CNTNAP2: variants seen among roughly 807,000 people sequenced by gnomAD.
CNTNAP2 encodes contactin associated protein 2, also known as contactin-associated protein-like 2.
Under a neutral mutation model 155.2 loss-of-function variants are expected in CNTNAP2, and 98 were observed. The ratio of observed to expected loss-of-function variants is 0.63; its 90% confidence interval spans 0.54 to 0.75. The LOEUF (loss-of-function observed/expected upper bound fraction) is 0.75. Among genes scored for constraint, CNTNAP2 ranks in the 30% least tolerant of loss-of-function variants. CNTNAP2 has a pLI of 0.00. For synonymous variants in CNTNAP2, 651 were observed against 631.2 expected (o/e 1.03, Z -0.47); for missense variants, 1,727 against 1,688.1 (o/e 1.02, Z -0.40).
chr7:146,388,862 G>A (rs548021630), intron 1 of CNTNAP2, among the ~76,000 whole-genome samples: 10 of 152,194 alleles, frequency 6.6e-5, no homozygotes, highest in African/African-American at 2.2e-4. Context: ...AATGTGTGAT[G>A]TTTGTCTTTC....
intron 1 of CNTNAP2, among the ~76,000 whole-genome samples, chr7:146,750,342 C>G (rs1393995503): frequency 6.6e-6 from 1 of 152,114 alleles, no homozygotes; most frequent in Non-Finnish European, 1.5e-5. Flanking sequence ...TTGATAATCT[C>G]TCCTCTCTGC....
intron 10 of CNTNAP2, among the ~76,000 whole-genome samples, chr7:147,413,593 T>TG (rs1305584426): frequency 9.2e-5 from 14 of 152,274 alleles, no homozygotes; most frequent in African/African-American, 2.9e-4. Flanking sequence ...TAAATCAATA[T>TG]TTTTTTGAGA....
intron 13 of CNTNAP2, among the ~76,000 whole-genome samples, chr7:147,885,128 C>T (rs1220444669): frequency 6.6e-6 from 1 of 152,180 alleles, no homozygotes; most frequent in Non-Finnish European, 1.5e-5. Flanking sequence ...GTTACTTTTG[C>T]ACTGACCTAA....
intron 8 of CNTNAP2, among the ~76,000 whole-genome samples, chr7:147,168,582 C>T (rs995180347): frequency 1.3e-5 from 2 of 151,986 alleles, no homozygotes; most frequent in Non-Finnish European, 2.9e-5. Context: ...TCCAAAAGAA[C>T]AAAACTCGTG....
At chr7:148,095,515 T>C (rs1803946371) in intron 15 of CNTNAP2, among the ~76,000 whole-genome samples, 1 of 152,164 alleles carries the variant, frequency 6.6e-6, no homozygotes, top group South Asian at 2.1e-4. Flanking sequence ...GTAGAAAAGA[T>C]CATCTGCATC....
intron 18 of CNTNAP2, among the ~76,000 whole-genome samples, chr7:148,192,458 C>A (rs1458691794): frequency 6.7e-6 from 1 of 149,834 alleles, no homozygotes; most frequent in East Asian, 2.0e-4. Flanking sequence ...AAAACGCAAG[C>A]AAAAATATAA....
chr7:146,522,189 G>A (rs1010804619), intron 1 of CNTNAP2, among the ~76,000 whole-genome samples: 1 of 151,896 alleles, frequency 6.6e-6, no homozygotes, highest in Non-Finnish European at 1.5e-5. Flanking sequence ...CGTATTTGAT[G>A]TTTCCATGTT....
intron 1 of CNTNAP2, among the ~76,000 whole-genome samples, chr7:146,459,799 C>T (rs977119120): frequency 5.3e-5 from 8 of 151,928 alleles, no homozygotes; most frequent in Non-Finnish European, 1.0e-4. Context: ...GGTGAAACCC[C>T]ATCTCTACAA....
chr7:148,034,340 C>A (rs763950143), intron 15 of CNTNAP2, among the ~76,000 whole-genome samples: 3 of 152,110 alleles, frequency 2.0e-5, no homozygotes, highest in African/African-American at 4.8e-5. Context: ...GGAAGGTTGA[C>A]CCCCAATGCA....
At chr7:147,180,243 A>G (rs925993269) in intron 8 of CNTNAP2, among the ~76,000 whole-genome samples, 1 of 152,212 alleles carries the variant, frequency 6.6e-6, no homozygotes, top group Non-Finnish European at 1.5e-5. Flanking sequence ...TTCTCTTTCT[A>G]TAAATACAAA....
intron 1 of CNTNAP2, among the ~76,000 whole-genome samples, chr7:146,654,571 G>A (rs1294963201): frequency 6.6e-6 from 1 of 152,080 alleles, no homozygotes; most frequent in Non-Finnish European, 1.5e-5. Context: ...TACAGAAATA[G>A]TCAAAAAATA....
chr7:147,497,076 G>A (rs541576404), intron 11 of CNTNAP2: 1 of 152,104 alleles, frequency 6.6e-6, no homozygotes, highest in Admixed American at 6.5e-5. Flanking sequence ...TGACTTTTGG[G>A]GTATTCTCTC....
At chr7:148,382,983 G>T (rs747306482) in intron 21 of CNTNAP2, among the ~76,000 whole-genome samples, 3 of 152,210 alleles carry the variant, frequency 2.0e-5, no homozygotes, top group Non-Finnish European at 4.4e-5. Context: ...AGTTAGTTTG[G>T]GAAGATGTTG....
At chr7:147,155,639 A>G (rs117883964) in intron 8 of CNTNAP2, among the ~76,000 whole-genome samples, 3,421 of 152,292 alleles carry the variant, frequency 0.022, 66 homozygotes, top group Non-Finnish European at 0.035. Context: ...ACAATATTGT[A>G]CACAATTAAG....
intron 11 of CNTNAP2, among the ~76,000 whole-genome samples, chr7:147,551,856 G>A (rs1056843943): frequency 6.6e-6 from 1 of 152,108 alleles, no homozygotes; most frequent in African/African-American, 2.4e-5. Flanking sequence ...CACCAATAAT[G>A]TCTTCATTAC....
chr7:146,313,924 G>A (rs756420615), intron 1 of CNTNAP2, among the ~76,000 whole-genome samples: 1 of 152,090 alleles, frequency 6.6e-6, no homozygotes, highest in Admixed American at 6.6e-5. Flanking sequence ...TCTTGAACCC[G>A]TGAAGCGGAG....
chr7:146,126,788 C>T (rs1238891732), intron 1 of CNTNAP2, among the ~76,000 whole-genome samples: 2 of 152,184 alleles, frequency 1.3e-5, no homozygotes, highest in Non-Finnish European at 2.9e-5. Context: ...CCTTTGCTTT[C>T]ATGGCAGTGG....
intron 13 of CNTNAP2, among the ~76,000 whole-genome samples, chr7:147,712,632 A>G (rs1452496790): frequency 1.3e-5 from 2 of 152,178 alleles, no homozygotes; most frequent in Non-Finnish European, 2.9e-5. Flanking sequence ...TTCTGAGCAA[A>G]CTATCGCAAG....
At chr7:147,995,326 C>A (rs28377968) in intron 15 of CNTNAP2, among the ~76,000 whole-genome samples, 10,124 of 152,194 alleles carry the variant, frequency 0.067, 743 homozygotes, top group African/African-American at 0.19. Flanking sequence ...ATGGGAAGCA[C>A]TTCTCCAGCA....
Sources: allele counts gnomAD v4.1 joint callset (sites outside exome capture counted in the v4.1 genomes callset), GRCh38; gene constraint gnomAD v4.1.1; transcripts MANE v1.5; gene names NCBI Gene and HGNC (gene_info 2026-07-23, HGNC 2026-07-21).